The following DLGAP2 variants were observed in gnomAD, a reference collection of about 807,000 sequenced individuals.
DLGAP2 encodes disks large-associated protein 2.
Under a neutral mutation model 100.3 loss-of-function variants are expected in DLGAP2, and 26 were observed. That is an observed-to-expected ratio of 0.26 (90% confidence interval 0.19 to 0.36). The LOEUF (loss-of-function observed/expected upper bound fraction) is 0.36, where lower values mean the gene tolerates loss of function less well. Ranked by LOEUF, DLGAP2 falls within the 10% of genes least tolerant of loss-of-function variation. DLGAP2 has a pLI of 1.00. For missense variants in DLGAP2, 1,858 were observed against 1,453.2 expected (o/e 1.28, Z -4.53); for synonymous variants, 886 against 630.1 (o/e 1.41, Z -6.08).
chr8:1,045,413 G>A (rs1802488173), intron 2 of DLGAP2, among the ~76,000 whole-genome samples: 1 of 152,188 alleles, frequency 6.6e-6, no homozygotes, highest in African/African-American at 2.4e-5. Context: ...TATACAACCT[G>A]TTGTTTTGAA....
At chr8:1,191,789 C>T (rs1437512936) in intron 2 of DLGAP2, among the ~76,000 whole-genome samples, 3 of 152,090 alleles carry the variant, frequency 2.0e-5, no homozygotes, top group Non-Finnish European at 4.4e-5. Flanking sequence ...CCTTGAAATT[C>T]AATTGTATAG....
intron 3 of DLGAP2, chr8:1,259,704 C>A (rs1799306380): frequency 1.3e-5 from 2 of 152,166 alleles, no homozygotes; most frequent in African/African-American, 4.8e-5. Context: ...ACGTGTGACT[C>A]TAAAAGCCGA....
intron 8 of DLGAP2, among the ~76,000 whole-genome samples, chr8:1,647,946 G>A (rs968477336): frequency 6.6e-6 from 1 of 152,094 alleles, no homozygotes; most frequent in Non-Finnish European, 1.5e-5. Context: ...CTTTATAAAG[G>A]CACGAATCCC....
intron 3 of DLGAP2, among the ~76,000 whole-genome samples, chr8:1,333,307 C>A (rs369661548): frequency 6.6e-6 from 1 of 152,012 alleles, no homozygotes; most frequent in Non-Finnish European, 1.5e-5. Context: ...GACACGGGGA[C>A]GGGCAGGGCT....
chr8:1,052,924 G>A (rs1344484997), intron 2 of DLGAP2, among the ~76,000 whole-genome samples: 1 of 152,160 alleles, frequency 6.6e-6, no homozygotes, highest in African/African-American at 2.4e-5. Context: ...TCTATATAGA[G>A]AACCAGGTGA....
At chr8:1,306,706 C>T (rs1337074529) in intron 3 of DLGAP2, among the ~76,000 whole-genome samples, 1 of 152,112 alleles carries the variant, frequency 6.6e-6, no homozygotes, top group African/African-American at 2.4e-5. Flanking sequence ...GACATCTAGA[C>T]TAATGGAACA....
At chr8:892,545 G>A (rs1297690314) in intron 1 of DLGAP2, among the ~76,000 whole-genome samples, 1 of 147,350 alleles carries the variant, frequency 6.8e-6, no homozygotes, top group Non-Finnish European at 1.5e-5. Flanking sequence ...GGGCTGGGGA[G>A]GGGGCGTGGG....
At chr8:1,176,858 A>G (rs1348582713) in intron 2 of DLGAP2, among the ~76,000 whole-genome samples, 2 of 152,108 alleles carry the variant, frequency 1.3e-5, no homozygotes, top group Non-Finnish European at 2.9e-5. Context: ...CCTCTCATGG[A>G]GTAGCAGAGA....
At chr8:1,088,537 C>G (rs1219795187) in intron 2 of DLGAP2, among the ~76,000 whole-genome samples, 2 of 152,190 alleles carry the variant, frequency 1.3e-5, no homozygotes, top group African/African-American at 4.8e-5. Flanking sequence ...TGTCAAATCT[C>G]TGACATGTGG....
chr8:1,253,527 G>C (rs1269899673), intron 2 of DLGAP2, among the ~76,000 whole-genome samples: 2 of 152,240 alleles, frequency 1.3e-5, no homozygotes, highest in Admixed American at 6.5e-5. Flanking sequence ...ATTTACACAG[G>C]AGATGCTGCA....
chr8:1,080,128 C>T (rs923536971), intron 2 of DLGAP2, among the ~76,000 whole-genome samples: 9 of 152,322 alleles, frequency 5.9e-5, no homozygotes, highest in Non-Finnish European at 1.0e-4. Context: ...GCTGCAGGTT[C>T]GCTGGGGGGT....
intron 3 of DLGAP2, among the ~76,000 whole-genome samples, chr8:1,500,601 C>T (rs775892530): frequency 6.6e-6 from 1 of 152,278 alleles, no homozygotes; most frequent in African/African-American, 2.4e-5. Context: ...ATGCTCAGTC[C>T]AGCTCCTCAG....
chr8:1,675,040 G>C (rs1464282653), intron 10 of DLGAP2, among the ~76,000 whole-genome samples: 1 of 152,188 alleles, frequency 6.6e-6, no homozygotes, highest in Non-Finnish European at 1.5e-5. Context: ...CTTCACTCAA[G>C]AATGTTCTTC....
chr8:1,657,662 A>G lies in DLGAP2; in HGVS notation c.1811-10667A>G, dbSNP rs560654772. ...CAAATGTTTGTCAAAAGAATGGATT[A>G]ATGAATGAATGGATGCAGTGATATA... On this transcript the variant is annotated intron_variant, in intron 8 of 14. Coordinates refer to ENST00000637795, the MANE Select transcript of DLGAP2 (RefSeq NM_001346810.2). 5.9e-5 allele frequency among the ~76,000 whole-genome samples: 9 copies of G among 152,392 alleles called. No individual in the cohort carries two copies. The East Asian group carries it at 1.5e-3, about 26-fold the overall frequency.
chr8:1,593,446 C>G (rs1584966812), intron 6 of DLGAP2, among the ~76,000 whole-genome samples: 1 of 152,006 alleles, frequency 6.6e-6, no homozygotes, highest in East Asian at 1.9e-4. Context: ...CAAGGCAAGA[C>G]TCCGTCTCAA....
intron 3 of DLGAP2, among the ~76,000 whole-genome samples, chr8:1,409,465 G>A (rs901634536): frequency 6.6e-6 from 1 of 152,218 alleles, no homozygotes; most frequent in African/African-American, 2.4e-5. Flanking sequence ...AGTAAAGACT[G>A]ATTTCAGAAA....
chr8:1,038,738 G>A (rs1437203491), intron 2 of DLGAP2, among the ~76,000 whole-genome samples: 1 of 152,222 alleles, frequency 6.6e-6, no homozygotes, highest in Non-Finnish European at 1.5e-5. Context: ...AAATATGACA[G>A]TAGGTGAGGG....
chr8:1,658,290 G>A (rs1271559187), intron 8 of DLGAP2, among the ~76,000 whole-genome samples: 4 of 152,060 alleles, frequency 2.6e-5, no homozygotes, highest in African/African-American at 9.7e-5. Context: ...CTGGCTTCCA[G>A]GTACAGCTGC....
chr8:827,613 G>C (rs1020034198), intron 1 of DLGAP2, among the ~76,000 whole-genome samples: 1 of 152,140 alleles, frequency 6.6e-6, no homozygotes, highest in African/African-American at 2.4e-5. Context: ...ACTGCATTTT[G>C]ATATTTTGTC....
Sources: gnomAD v4.1 joint callset for allele counts (sites outside exome capture counted in the v4.1 genomes callset) on GRCh38, gnomAD v4.1.1 for gene constraint, MANE v1.5 for transcripts, NCBI Gene and HGNC (gene_info 2026-07-23, HGNC 2026-07-21) for gene names.